AQP4: variants seen among roughly 807,000 people sequenced by gnomAD.
AQP4 encodes the protein aquaporin-4.
In AQP4, 18 loss-of-function variants were observed where a neutral mutation model predicts 27.8. That is an observed-to-expected ratio of 0.65 (90% CI 0.45 to 0.96). The LOEUF is 0.96. AQP4 is among the 40% of genes least tolerant of loss of function. AQP4 has a pLI of 0.00. For synonymous variants in AQP4, 141 were observed against 142.9 expected (o/e 0.99, Z 0.10); for missense variants, 412 against 408.2 (o/e 1.01, Z -0.08).
rs372503562 is a variant in AQP4 at position 26,861,265 on chromosome 18, G to C, written c.478C>G (p.Leu160Val). The change falls in exon 3 of 5, where the codon CTC becomes GTC. Residue 160 changes from leucine (L) to valine (V), a missense_variant. Physicochemically the swap from Leu to Val is conservative, Grantham distance 32. Coordinates refer to ENST00000383168, the MANE Select transcript of AQP4 (RefSeq NM_001650.7). ...AATGTGATTATCAACTCAACCAGGA[G>C]ACCATGACCAGCGGTAAGATTTCCA... Reference protein sequence around the residue: ...VHGNLTAGHGLLVELIITFQL... With the variant: ...VHGNLTAGHGVLVELIITFQL... The C allele has an allele frequency of 9.9e-6, 16 of 1,613,896 alleles. No individual in the cohort carries two copies. Among genetic ancestry groups the C allele is most frequent in the Non-Finnish European group, 1.4e-5 (16 of 1,179,936 alleles).
At chr18:26,864,730 G>T (rs1334364521) in intron 1 of AQP4, among the ~76,000 whole-genome samples, 1 of 150,010 alleles carries the variant, frequency 6.7e-6, no homozygotes, top group Non-Finnish European at 1.5e-5. Flanking sequence ...TGTGGTCAGG[G>T]TTAGGGGAGA....
chr18:26,862,002 T>C, intron 2 of AQP4, 180 bp downstream of exon 2: 1 of 732,800 alleles, frequency 1.4e-6, no homozygotes, highest in Non-Finnish European at 2.2e-6. Context: ...CAAACAATGA[T>C]TTCTTACAGA....
intron 4 of AQP4, chr18:26,860,571 A>G: frequency 1.8e-6 from 1 of 564,040 alleles, no homozygotes; most frequent in Non-Finnish European, 3.2e-6. Flanking sequence ...ACCTTCAGTT[A>G]GAGATGTTTT....
chr18:26,862,410 G>A lies in AQP4; in HGVS notation c.219C>T (p.Ile73=). The A allele has an allele frequency of 6.2e-7, 1 of 1,614,260 alleles. No homozygotes were observed. Among genetic ancestry groups the A allele is most frequent in the Non-Finnish European group, 8.5e-7 (1 of 1,180,052 alleles). The part of the protein sequence containing the change: ...EKPLPVDMVL[I]SLCFGLSIAT... ...CAATGCTGAGTCCAAAGCAAAGGGA[G>A]ATGAGAACCATGTCGACCGGTAAAG... The change falls in exon 2 of 5, where the codon ATC becomes ATT. Residue 73 remains isoleucine (I), a synonymous_variant. Transcript: ENST00000383168.
rs908656070 is a variant in AQP4 at position 26,854,038 on chromosome 18, G to A, written c.*2173C>T. 1.2e-4 allele frequency: 18 copies of A among 152,072 alleles called. No homozygotes were observed. Among genetic ancestry groups the A allele is most frequent in the Admixed American group, 1.2e-3 (18 of 15,276 alleles). 9.4% of individuals were successfully genotyped at this position (152,072 alleles called of 1,614,324 possible). A position where few individuals can be genotyped will look rare whatever the true frequency, so the allele number is the denominator to read the frequency against. ...TATATTTTTATTAATTAACACACTT[G>A]TTTTGAATACATACTATGTGCCAGG... is the stretch of plus-strand genomic sequence containing the variant. On this transcript the variant is annotated 3_prime_UTR_variant, in exon 5 of 5. Transcript: ENST00000383168.
intron 4 of AQP4, among the ~76,000 whole-genome samples, chr18:26,857,351 G>A (rs1568065851): frequency 1.3e-5 from 2 of 151,226 alleles, no homozygotes; most frequent in Non-Finnish European, 2.9e-5. Flanking sequence ...ATTTTGAGAC[G>A]GAGTCTTGCT....
rs758847266 is a variant in AQP4, at chr18:26,860,882, A to G, written c.613-30T>C. 8.7e-6 allele frequency: 14 copies of G among 1,601,424 alleles called. No individual in the cohort carries two copies. The East Asian group carries it at 1.8e-4, about 20-fold the overall frequency. On this transcript the variant is annotated intron_variant, in intron 3 of 4. Transcript: ENST00000383168. The stretch of plus-strand genomic sequence containing the variant: ...AGGAAACAAGAAAACAACTTCAGAC[A>G]TTGCTGAAACAGGGCTACTAGCAAG...
chr18:26,853,791 A>C lies in AQP4; in HGVS notation c.*2420T>G, dbSNP rs1034139757. ...TTTTTACTGGCAGAGCCTTGAGTGA[A>C]ATACAAAATATGTTGTCTCATATGT... On this transcript the variant is annotated 3_prime_UTR_variant, in exon 5 of 5. Coordinates refer to ENST00000383168, the MANE Select transcript of AQP4 (RefSeq NM_001650.7). The C allele has an allele frequency of 2.6e-5, 4 of 152,650 alleles. No individual in the cohort carries two copies. Among genetic ancestry groups the C allele is most frequent in the Non-Finnish European group, 5.9e-5 (4 of 68,040 alleles). 9.5% of individuals were successfully genotyped at this position (152,650 alleles called of 1,614,324 possible). A position where few individuals can be genotyped will look rare whatever the true frequency, so the allele number is the denominator to read the frequency against.
At chr18:26,860,915 C>A in intron 3 of AQP4, 63 bp from the exon 4 acceptor site, 1 of 1,515,314 alleles carries the variant, frequency 6.6e-7, no homozygotes, top group Non-Finnish European at 9.2e-7. Flanking sequence ...AAGTATCATT[C>A]ATTGCAATTT....
In AQP4 at chr18:26,856,197, G is replaced by A. The variant is rs2054837379; in HGVS notation, c.*14C>T. On this transcript the variant is annotated 3_prime_UTR_variant, in exon 5 of 5. Transcript: ENST00000383168. Reference sequence around the variant, plus strand: ...TTCTAAGGAGTCTTGTCTGCTTTCAGTGCGATCTTCTAGTCATACTGAAGA... The same window carrying A: ...TTCTAAGGAGTCTTGTCTGCTTTCAATGCGATCTTCTAGTCATACTGAAGA... The A allele has an allele frequency of 3.7e-6, 6 of 1,614,090 alleles. No individual in the cohort carries two copies. In the African/African-American group the frequency reaches 8.0e-5, roughly 22 times the overall value.
chr18:26,857,692 A>G (rs566541598), intron 4 of AQP4, among the ~76,000 whole-genome samples: 8 of 152,118 alleles, frequency 5.3e-5, no homozygotes, highest in Non-Finnish European at 1.0e-4. Flanking sequence ...AAGTGCAGAC[A>G]TTTGCTTTAG....
rs1345467889 is a variant in AQP4 at position 26,855,902 on chromosome 18, C to A, written c.*309G>T. The A allele has an allele frequency of 8.2e-6, 3 of 366,394 alleles. No individual in the cohort carries two copies. Among genetic ancestry groups the A allele is most frequent in the Non-Finnish European group, 1.5e-5 (3 of 194,622 alleles). The allele number at this position is 366,394 out of a possible 1,614,324, so 22.7% of individuals were successfully genotyped here. On this transcript the variant is annotated 3_prime_UTR_variant, in exon 5 of 5. Coordinates refer to ENST00000383168, the MANE Select transcript of AQP4 (RefSeq NM_001650.7). ...AGACGTGTCTTTGAGTTCTGTCAGG[C>A]AAGACTTAACCAAATCTTGACACAC...
Position 26,856,441 on chromosome 18 carries a change from A to C in AQP4, c.742T>G (p.Tyr248Asp). Residue 248 changes from tyrosine to aspartate, a missense_variant, in exon 5 of 5, where the codon TAT (tyrosine) becomes GAT (aspartate). Transcript: ENST00000383168. The part of the protein sequence containing the change: ...IIGAVLAGGL[Y>D]EYVFCPDVEF... ...ACATCTGGACAGAAGACATACTCATAAAGGCCACCAGCGAGGACAGCTCCT... is the reference window on the plus strand; with the variant it reads ...ACATCTGGACAGAAGACATACTCATCAAGGCCACCAGCGAGGACAGCTCCT... 6.2e-7 allele frequency: 1 copy of C among 1,614,240 alleles called. No homozygotes were observed. The highest frequency in any genetic ancestry group is 8.5e-7 in the Non-Finnish European group (1 of 1,180,038).
chr18:26,857,389 C>T (rs1205036939), intron 4 of AQP4, among the ~76,000 whole-genome samples: 7 of 151,736 alleles, frequency 4.6e-5, no homozygotes, highest in Non-Finnish European at 7.4e-5. Flanking sequence ...GTGCAGTGGG[C>T]GATCGCCACT....
At chr18:26,852,042 G>A (rs1029642123), downstream of AQP4, 1 of 152,064 alleles carries the variant, frequency 6.6e-6, no homozygotes, top group African/African-American at 2.4e-5. Context: ...CAAACATAAT[G>A]TTTACCTTTT....
rs572023549 is a variant in AQP4, at chr18:26,860,986, G to T, written c.613-134C>A. 1.3e-4 allele frequency: 174 copies of T among 1,367,856 alleles called. 3 individuals are homozygous for T. In the South Asian group the frequency reaches 2.0e-3, roughly 16 times the overall value. The allele number at this position is 1,367,856 out of a possible 1,614,324, so 84.7% of individuals were successfully genotyped here. On this transcript the variant is annotated intron_variant, in intron 3 of 4. Transcript: ENST00000383168. ...TAGCAGCTATATCAACATTCTCATT[G>T]AGCAGTTGGAAAAATTATAACCTAA... is the stretch of plus-strand genomic sequence containing the variant.
chr18:26,862,509 C>T lies in AQP4; in HGVS notation c.120G>A (p.Ala40=), dbSNP rs1239712093. The change falls in exon 2 of 5, where the codon GCG becomes GCA. Residue 40 remains alanine, a synonymous_variant. Transcript: ENST00000383168. ...CAAAAATAAGCATGGCCAGAAATTC[C>T]GCTGTGACTGCTTTCCAGAAAGCTT... ...WTQAFWKAVT[A]EFLAMLIFVL... 29 of 1,614,056 alleles carry T rather than the reference C, an allele frequency of 1.8e-5. No homozygotes were observed. The highest frequency in any genetic ancestry group is 1.6e-4 in the Middle Eastern group (1 of 6,084).
chr18:26,862,510 G>A lies in AQP4; in HGVS notation c.119C>T (p.Ala40Val), dbSNP rs200221507. The A allele has an allele frequency of 5.6e-6, 9 of 1,614,148 alleles. No individual in the cohort carries two copies. In the East Asian group the frequency reaches 6.7e-5, roughly 12 times the overall value. The change falls in exon 2 of 5, where the codon GCG becomes GTG. Residue 40 changes from alanine (A) to valine (V), a missense_variant. By Grantham distance (64) the Ala-to-Val change is moderately conservative (BLOSUM62 0). Transcript: ENST00000383168. Reference sequence around the variant, plus strand: ...AAAAATAAGCATGGCCAGAAATTCCGCTGTGACTGCTTTCCAGAAAGCTTG... The same window carrying A: ...AAAAATAAGCATGGCCAGAAATTCCACTGTGACTGCTTTCCAGAAAGCTTG... The part of the protein sequence containing the change: ...WTQAFWKAVT[A>V]EFLAMLIFVL...
intron 1 of AQP4, 172 bp from the exon 2 acceptor site, chr18:26,862,768 C>G: frequency 1.3e-6 from 1 of 778,436 alleles, no homozygotes; most frequent in East Asian, 2.6e-5. Flanking sequence ...AGTCAAGAGA[C>G]TGTTATTCTA....
Sources: gnomAD v4.1 joint callset for allele counts (sites outside exome capture counted in the v4.1 genomes callset) on GRCh38, gnomAD v4.1.1 for gene constraint, MANE v1.5 for transcripts, NCBI Gene and HGNC (gene_info 2026-07-23, HGNC 2026-07-21) for gene names.